CSMD2: variants seen among roughly 807,000 people sequenced by gnomAD.
CSMD2 encodes CUB and sushi domain-containing protein 2.
CSMD2 carries 130 observed loss-of-function variants against 398.5 expected under a neutral mutation model. That is an observed-to-expected ratio of 0.33 (90% confidence interval 0.28 to 0.38). The LOEUF (loss-of-function observed/expected upper bound fraction) is 0.38. Among genes scored for constraint, CSMD2 ranks in the 10% least tolerant of loss-of-function variants. CSMD2 has a pLI of 1.00. For synonymous variants in CSMD2, 1,828 were observed against 1,908.5 expected, an observed-to-expected ratio of 0.96 and a Z score of 1.10; for missense variants, 3,829 against 4,764.9, an observed-to-expected ratio of 0.80 and a Z score of 5.78.
intron 1 of CSMD2, among the ~76,000 whole-genome samples, chr1:34,148,564 C>T (rs925411765): frequency 6.6e-6 from 1 of 150,740 alleles, no homozygotes; most frequent in Non-Finnish European, 1.5e-5. Context: ...GCTACATCTG[C>T]GGACACAGCA....
intron 15 of CSMD2, among the ~76,000 whole-genome samples, chr1:33,735,105 G>T (rs956359875): frequency 7.2e-5 from 11 of 152,180 alleles, no homozygotes; most frequent in African/African-American, 2.7e-4. Context: ...ATTTGGAGAT[G>T]CTTTTAAGTC....
chr1:33,595,979 T>C (rs1298914165), intron 44 of CSMD2, among the ~76,000 whole-genome samples: 1 of 152,166 alleles, frequency 6.6e-6, no homozygotes, highest in Non-Finnish European at 1.5e-5. Flanking sequence ...TTCTTCCATA[T>C]CTCTACATAT....
intron 1 of CSMD2, among the ~76,000 whole-genome samples, chr1:34,089,651 C>A (rs1415232957): frequency 3.9e-5 from 6 of 152,102 alleles, no homozygotes; most frequent in African/African-American, 1.4e-4. Context: ...TTCCCAATTC[C>A]AAACCCTTCT....
intron 2 of CSMD2, among the ~76,000 whole-genome samples, chr1:34,082,287 G>A (rs1261203967): frequency 1.1e-4 from 17 of 147,918 alleles, no homozygotes; most frequent in African/African-American, 3.0e-4. Context: ...CGGCTGCCCC[G>A]TCTGAGAAGT....
intron 13 of CSMD2, among the ~76,000 whole-genome samples, chr1:33,745,558 G>A (rs1647280359): frequency 6.6e-6 from 1 of 152,086 alleles, no homozygotes; most frequent in Non-Finnish European, 1.5e-5. Context: ...AAAAAAATTG[G>A]TGACTCCTTG....
chr1:34,098,156 C>G (rs1425673655), intron 1 of CSMD2, among the ~76,000 whole-genome samples: 1 of 126,138 alleles, frequency 7.9e-6, no homozygotes, highest in Non-Finnish European at 1.6e-5. Context: ...AGTAAACTAT[C>G]ACAAGAACAA....
intron 2 of CSMD2, among the ~76,000 whole-genome samples, chr1:34,040,115 T>A (rs1651667354): frequency 6.6e-6 from 1 of 151,834 alleles, no homozygotes; most frequent in Non-Finnish European, 1.5e-5. Context: ...CACTTGAGCC[T>A]AGGAGTTCGA....
intron 35 of CSMD2, among the ~76,000 whole-genome samples, 164 bp from the exon 36 acceptor site, chr1:33,623,630 A>C (rs1005290865): frequency 2.0e-5 from 3 of 152,200 alleles, no homozygotes; most frequent in African/African-American, 7.2e-5. Flanking sequence ...TGCAGAACCG[A>C]CTCCAAGGAG....
chr1:33,894,364 C>T lies in CSMD2; in HGVS notation c.920+23730G>A, dbSNP rs115368947. Among the ~76,000 whole-genome samples, 575 of 152,250 alleles carry T rather than the reference C, an allele frequency of 3.8e-3. 3 individuals carry two copies. Among genetic ancestry groups the T allele is most frequent in the African/African-American group, 0.013 (553 of 41,526 alleles). Reference sequence around the variant, plus strand: ...CTCCCAGTGTCTGCATCCCTGTGCTCGAAGGCTTTTTTCCCCCAATGCTAG... The same window carrying T: ...CTCCCAGTGTCTGCATCCCTGTGCTTGAAGGCTTTTTTCCCCCAATGCTAG... On this transcript the variant is annotated intron_variant, in intron 5 of 70. Transcript: ENST00000373381.
At chr1:33,793,875 G>T (rs552441178) in intron 10 of CSMD2, among the ~76,000 whole-genome samples, 4 of 152,188 alleles carry the variant, frequency 2.6e-5, no homozygotes, top group South Asian at 4.2e-4. Context: ...AATTGTTTGG[G>T]TGGGGGATGG....
chr1:33,832,718 T>G (rs1475070220), intron 6 of CSMD2, among the ~76,000 whole-genome samples: 4 of 150,852 alleles, frequency 2.7e-5, no homozygotes, highest in African/African-American at 4.9e-5. Context: ...AGGAGCTGGT[T>G]TTTTGAAAGG....
At chr1:33,920,249 C>T (rs190765704) in intron 4 of CSMD2, among the ~76,000 whole-genome samples, 167 of 152,138 alleles carry the variant, frequency 1.1e-3, no homozygotes, top group Non-Finnish European at 1.7e-3. Flanking sequence ...GACCCAAGGA[C>T]TGGGCGCAGT....
chr1:34,131,857 C>T (rs538230027), intron 1 of CSMD2, among the ~76,000 whole-genome samples: 5 of 152,226 alleles, frequency 3.3e-5, no homozygotes, highest in Admixed American at 6.5e-5. Flanking sequence ...CACCCTTTCC[C>T]ACTGCAATGC....
intron 3 of CSMD2, among the ~76,000 whole-genome samples, chr1:33,982,712 C>G (rs1646214838): frequency 6.6e-6 from 1 of 152,152 alleles, no homozygotes; most frequent in Admixed American, 6.5e-5. Context: ...GCAGAGGGAG[C>G]AGCAGGTGCA....
chr1:34,159,338 C>CCCCCCCCCG (rs56893007), intron 1 of CSMD2, among the ~76,000 whole-genome samples: 1 of 142,812 alleles, frequency 7.0e-6, no homozygotes. Flanking sequence ...GCCCCCCCCC[C>CCCCCCCCCG]ACCCAGGAGC....
chr1:33,749,441 G>C (rs901058608), intron 13 of CSMD2, among the ~76,000 whole-genome samples: 7 of 152,092 alleles, frequency 4.6e-5, no homozygotes, highest in Non-Finnish European at 1.0e-4. Flanking sequence ...GACCAAAGCT[G>C]TAGTAAGGAG....
Position 33,810,852 on chromosome 1 carries a change from T to A in CSMD2, c.1337A>T (p.Asp446Val), listed in dbSNP as rs1259983307. Residue 446 changes from aspartate to valine, a missense_variant, in exon 10 of 71, where the codon GAT becomes GTT. Around this residue, in one of 5 missense-constraint regions of CSMD2, gnomAD observed 2,001 missense variants for 2,567.1 expected, o/e 0.78. Coordinates refer to ENST00000373381, the MANE Select transcript of CSMD2 (RefSeq NM_001281956.2). The part of the protein sequence containing the change: ...HRPVCRARMC[D>V]AHLRGPSGII... ...GCCCGAGGGGCCTCGAAGGTGGGCA[T>A]CACACATGCGGGCTGCAGAGGAGAT... 2 of 1,612,006 alleles carry A rather than the reference T, an allele frequency of 1.2e-6. No individual in the cohort carries two copies. The highest frequency in any genetic ancestry group is 2.2e-5 in the East Asian group (1 of 44,660).
chr1:33,849,755 C>T (rs1638563565), intron 5 of CSMD2, among the ~76,000 whole-genome samples: 1 of 148,862 alleles, frequency 6.7e-6, no homozygotes, highest in South Asian at 2.1e-4. Context: ...ACAGTGAGAC[C>T]CCATTTTATT....
At chr1:33,563,300 T>C (rs879646983) in intron 53 of CSMD2, among the ~76,000 whole-genome samples, 10 of 151,982 alleles carry the variant, frequency 6.6e-5, no homozygotes, top group Admixed American at 3.9e-4. Flanking sequence ...GGATTAAGAA[T>C]AGACTAACCT....
Sources: allele counts gnomAD v4.1 joint callset (sites outside exome capture counted in the v4.1 genomes callset), GRCh38; gene constraint gnomAD v4.1.1; regional missense constraint gnomAD v4.1.1; transcripts MANE v1.5; gene names NCBI Gene and HGNC (gene_info 2026-07-23, HGNC 2026-07-21).